KLF8: variants seen among roughly 807,000 people sequenced by gnomAD.
KLF8 encodes KLF transcription factor 8, also known as Krueppel-like factor 8.
KLF8 carries 10 observed loss-of-function variants against 18.2 expected under a neutral mutation model. That is an observed-to-expected ratio of 0.55 (90% CI 0.34 to 0.93). The LOEUF is 0.93. Ranked by LOEUF, KLF8 falls within the 40% of genes least tolerant of loss-of-function variation. The pLI is 0.02. For missense variants in KLF8, 264 were observed against 277.9 expected, an observed-to-expected ratio of 0.95 and a Z score of 0.36; for synonymous variants, 109 against 97.3, an observed-to-expected ratio of 1.12 and a Z score of -0.71.
chrX:56,265,699 A>G lies in KLF8; in HGVS notation c.601A>G (p.Ile201Val), dbSNP rs1418504822. The change falls in exon 3 of 6, where the codon ATT becomes GTT. Residue 201 changes from isoleucine (I) to valine (V), a missense_variant. Physicochemically the swap from Ile to Val is conservative, Grantham distance 29. This residue lies in a region of KLF8 where 221 missense variants were observed against 193.6 expected (regional missense o/e 1.14). Coordinates refer to ENST00000468660, the MANE Select transcript of KLF8 (RefSeq NM_007250.5). ...GCCTGCAGATGGGGGCCCTGCAGCC[A>G]TTACAGTCCCACTCATTGGAGGAGA... ...TLPADGGPAAITVPLIGGDGK... is the reference protein window; with the variant it reads ...TLPADGGPAAVTVPLIGGDGK... 14 of 1,205,681 alleles carry G rather than the reference A, an allele frequency of 1.2e-5. No individual in the cohort carries two copies. Among genetic ancestry groups the G allele is most frequent in the Non-Finnish European group, 1.6e-5 (14 of 894,958 alleles).
chrX:56,011,265 A>AAC, the KLF8 span, among the ~76,000 whole-genome samples: 1 of 112,192 alleles, frequency 8.9e-6, no homozygotes, highest in African/African-American at 3.2e-5. Flanking sequence ...AATCTTAACA[A>AAC]ACAGTCTCTC....
intron 1 of KLF8, among the ~76,000 whole-genome samples, chrX:56,241,253 C>T (rs1602411911): frequency 9.0e-6 from 1 of 111,547 alleles, no homozygotes; most frequent in Admixed American, 9.5e-5. Context: ...CTGCAACTTC[C>T]ACCTCCTGAG....
the KLF8 span, among the ~76,000 whole-genome samples, chrX:56,203,911 T>C: frequency 8.9e-6 from 1 of 111,825 alleles, no homozygotes; most frequent in African/African-American, 3.2e-5. Context: ...TCAGCTTTTT[T>C]TTTATGGTTC....
chrX:56,077,959 T>C, the KLF8 span, among the ~76,000 whole-genome samples: 1 of 112,082 alleles, frequency 8.9e-6, no homozygotes, highest in African/African-American at 3.2e-5. Flanking sequence ...TATTGGTGTA[T>C]AAGAATGCTT....
the KLF8 span, among the ~76,000 whole-genome samples, chrX:55,923,705 C>CGTGTGTGT: frequency 5.1e-4 from 50 of 98,304 alleles, no homozygotes; most frequent in African/African-American, 1.9e-3. Flanking sequence ...TAAAGATCCA[C>CGTGTGTGT]GTGTGTGTGT....
At chrX:56,127,400 C>T in the KLF8 span, among the ~76,000 whole-genome samples, 1 of 111,441 alleles carries the variant, frequency 9.0e-6, no homozygotes, top group Admixed American at 9.5e-5. Context: ...CAATCACAGT[C>T]GCTTATGCCT....
At chrX:56,185,535 T>A in the KLF8 span, among the ~76,000 whole-genome samples, 1 of 111,169 alleles carries the variant, frequency 9.0e-6, no homozygotes, top group Non-Finnish European at 1.9e-5. Context: ...ACCACAAAGA[T>A]ACTCCTCGAG....
chrX:55,917,242 C>G, the KLF8 span, among the ~76,000 whole-genome samples: 1 of 111,876 alleles, frequency 8.9e-6, no homozygotes, highest in African/African-American at 3.2e-5. Flanking sequence ...AAGCAACTTC[C>G]TAGGAAGAGT....
the KLF8 span, among the ~76,000 whole-genome samples, chrX:56,002,023 A>C: frequency 8.9e-6 from 1 of 112,165 alleles, no homozygotes; most frequent in Admixed American, 9.5e-5. Flanking sequence ...CTGTATGATC[A>C]GGGACAAATT....
At chrX:55,938,407 C>G in the KLF8 span, among the ~76,000 whole-genome samples, 3 of 111,682 alleles carry the variant, frequency 2.7e-5, no homozygotes, top group Non-Finnish European at 5.6e-5. Flanking sequence ...CCAGTACCAG[C>G]CACTGCAAAA....
At chrX:56,091,875 T>C in the KLF8 span, among the ~76,000 whole-genome samples, 3 of 111,927 alleles carry the variant, frequency 2.7e-5, no homozygotes, top group East Asian at 8.4e-4. Flanking sequence ...TTTTAGTTTC[T>C]TGAGAAATCT....
chrX:56,015,676 A>C, the KLF8 span, among the ~76,000 whole-genome samples: 1 of 111,913 alleles, frequency 8.9e-6, no homozygotes, highest in Admixed American at 9.6e-5. Context: ...GCAAGGTAAA[A>C]ACCATACAGA....
chrX:56,235,959 A>T (rs996945227), intron 1 of KLF8, among the ~76,000 whole-genome samples: 1 of 112,133 alleles, frequency 8.9e-6, no homozygotes, highest in Non-Finnish European at 1.9e-5. Flanking sequence ...AGATTAGTGG[A>T]CAGGAAGCTG....
the KLF8 span, among the ~76,000 whole-genome samples, chrX:56,027,095 G>A: frequency 1.8e-5 from 2 of 112,590 alleles, no homozygotes; most frequent in Non-Finnish European, 3.8e-5. Flanking sequence ...GCACTACTGT[G>A]GCTCCTAGCA....
intron 2 of KLF8, among the ~76,000 whole-genome samples, chrX:56,252,308 C>T (rs2066726386): frequency 9.0e-6 from 1 of 111,549 alleles, no homozygotes; most frequent in Non-Finnish European, 1.9e-5. Context: ...AGCCACTGCA[C>T]CCAGACAATT....
chrX:56,214,154 T>G, the KLF8 span, among the ~76,000 whole-genome samples: 2 of 110,096 alleles, frequency 1.8e-5, no homozygotes, highest in African/African-American at 6.6e-5. Flanking sequence ...AAGCCTGGAG[T>G]TTTTATGGGT....
the KLF8 span, among the ~76,000 whole-genome samples, chrX:56,189,684 G>A: frequency 2.7e-5 from 3 of 110,148 alleles, no homozygotes; most frequent in African/African-American, 6.6e-5. Flanking sequence ...GGAATACTAT[G>A]CAGCCATAAA....
chrX:56,181,790 C>A, the KLF8 span, among the ~76,000 whole-genome samples: 4 of 102,122 alleles, frequency 3.9e-5, no homozygotes, highest in Non-Finnish European at 6.0e-5. Context: ...GAATATTGCT[C>A]CCCCCCCTTC....
the KLF8 span, among the ~76,000 whole-genome samples, chrX:56,130,847 GA>G: frequency 1.2e-4 from 13 of 111,546 alleles, no homozygotes; most frequent in Non-Finnish European, 2.3e-4. Flanking sequence ...AGAACACAGA[GA>G]AATGCGAAAT....
Sources: allele counts gnomAD v4.1 joint callset (sites outside exome capture counted in the v4.1 genomes callset), GRCh38; gene constraint gnomAD v4.1.1; regional missense constraint gnomAD v4.1.1; transcripts MANE v1.5; gene names NCBI Gene and HGNC (gene_info 2026-07-23, HGNC 2026-07-21).